Variants in POU6F2 observed in about 807,000 individuals in gnomAD.
The protein encoded by POU6F2 is POU class 6 homeobox 2, also known as POU domain, class 6, transcription factor 2.
A neutral mutation model predicts 71.3 loss-of-function variants in POU6F2; 31 were observed. The observed-to-expected ratio is 0.43, with a 90% CI of 0.33 to 0.59. POU6F2 has a LOEUF of 0.59. POU6F2 is among the 20% of genes least tolerant of loss of function. The probability of loss-of-function intolerance (pLI) is 0.04; values close to 1 mark genes in which losing one functional copy is unlikely to be tolerated. For synonymous variants in POU6F2, 347 were observed against 355.7 expected, an observed-to-expected ratio of 0.98 and a Z score of 0.27; for missense variants, 783 against 856.8, an observed-to-expected ratio of 0.91 and a Z score of 1.07.
At chr7:39,424,761 A>G (rs1400197394) in intron 6 of POU6F2, among the ~76,000 whole-genome samples, 1 of 152,116 alleles carries the variant, frequency 6.6e-6, no homozygotes, top group Non-Finnish European at 1.5e-5. Flanking sequence ...ACAGTAAAAT[A>G]TGTAACCCCA....
At chr7:39,110,793 T>C (rs1005585510) in intron 2 of POU6F2, among the ~76,000 whole-genome samples, 3 of 152,210 alleles carry the variant, frequency 2.0e-5, no homozygotes, top group African/African-American at 7.2e-5. Context: ...TATTTCACTT[T>C]TATCTTGTTG....
chr7:39,096,124 C>T (rs1425520549), intron 2 of POU6F2, among the ~76,000 whole-genome samples: 2 of 152,144 alleles, frequency 1.3e-5, no homozygotes, highest in African/African-American at 2.4e-5. Flanking sequence ...AGTATCTGCA[C>T]GGAGAGCTCA....
chr7:39,313,199 C>A (rs1020400364), intron 4 of POU6F2, among the ~76,000 whole-genome samples: 2 of 152,130 alleles, frequency 1.3e-5, no homozygotes, highest in Non-Finnish European at 2.9e-5. Flanking sequence ...CACTCTCCAG[C>A]CTCACTTCCC....
intron 6 of POU6F2, among the ~76,000 whole-genome samples, chr7:39,416,494 G>A (rs1001097577): frequency 3.3e-5 from 5 of 152,168 alleles, no homozygotes; most frequent in South Asian, 2.1e-4. Context: ...GCTGAAGATT[G>A]TTGTCCCACA....
At chr7:39,001,342 G>A (rs967206025) in intron 1 of POU6F2, among the ~76,000 whole-genome samples, 6 of 151,722 alleles carry the variant, frequency 4.0e-5, no homozygotes, top group East Asian at 3.9e-4. Context: ...GATTTTTATC[G>A]AGTACTTGTT....
intron 5 of POU6F2, among the ~76,000 whole-genome samples, chr7:39,391,039 G>A (rs1787066010): frequency 1.3e-5 from 2 of 152,144 alleles, no homozygotes; most frequent in African/African-American, 2.4e-5. Context: ...TAATTGTCAA[G>A]TATTCTACCA....
At chr7:39,331,490 G>GGTTTTGTTTT (rs553116050) in intron 4 of POU6F2, among the ~76,000 whole-genome samples, 94 of 151,960 alleles carry the variant, frequency 6.2e-4, no homozygotes, top group African/African-American at 2.2e-3. Flanking sequence ...ATCTCACTCC[G>GGTTTTGTTTT]GTTTTGTTTT....
chr7:39,018,108 C>A (rs7779583), intron 1 of POU6F2, among the ~76,000 whole-genome samples: 61,953 of 151,852 alleles, frequency 0.41, 12,998 homozygotes, highest in South Asian at 0.5. Flanking sequence ...TTTGTCTGAA[C>A]TCTTTTAGTT....
intron 1 of POU6F2, among the ~76,000 whole-genome samples, chr7:39,040,118 T>A (rs369339048): frequency 6.7e-5 from 6 of 89,010 alleles, no homozygotes; most frequent in Admixed American, 2.7e-4. Flanking sequence ...TTATATACAT[T>A]TATATATATA....
intron 5 of POU6F2, among the ~76,000 whole-genome samples, chr7:39,343,491 C>A (rs2329388): frequency 2.0e-5 from 3 of 151,620 alleles, no homozygotes; most frequent in Non-Finnish European, 4.4e-5. Flanking sequence ...ATAAAAGCCT[C>A]CTTTCTATGA....
intron 1 of POU6F2, among the ~76,000 whole-genome samples, chr7:39,059,478 T>G (rs575993108): frequency 6.7e-6 from 1 of 149,602 alleles, no homozygotes; most frequent in South Asian, 2.1e-4. Context: ...AGATACCACT[T>G]CATACCCACT....
At chr7:39,221,739 A>G (rs1794367042) in intron 4 of POU6F2, among the ~76,000 whole-genome samples, 1 of 152,152 alleles carries the variant, frequency 6.6e-6, no homozygotes, top group Non-Finnish European at 1.5e-5. Flanking sequence ...TGTGAAATAT[A>G]GAGAAATTAT....
rs528985319 is a variant in POU6F2, at chr7:39,426,394, T to A, written c.1114-6683T>A. 4.6e-4 allele frequency among the ~76,000 whole-genome samples: 70 copies of A among 152,260 alleles called. 1 individual carries two copies. Among genetic ancestry groups the A allele is most frequent in the African/African-American group, 1.7e-3 (69 of 41,560 alleles). On this transcript the variant is annotated intron_variant, in intron 6 of 9. Coordinates refer to ENST00000518318, the MANE Select transcript of POU6F2 (RefSeq NM_001370959.1). ...ATCTACTCTTCAAAGCCCTCTCTGG[T>A]GTTGTCCCAGTGGCCATTCCCCAAG...
At chr7:39,169,749 T>C (rs573130195) in intron 2 of POU6F2, among the ~76,000 whole-genome samples, 1 of 152,274 alleles carries the variant, frequency 6.6e-6, no homozygotes, top group Non-Finnish European at 1.5e-5. Flanking sequence ...GGTTGAATGA[T>C]TGGATAAATT....
At chr7:39,059,412 G>T (rs955579847) in intron 1 of POU6F2, among the ~76,000 whole-genome samples, 1 of 151,460 alleles carries the variant, frequency 6.6e-6, no homozygotes, top group Non-Finnish European at 1.5e-5. Flanking sequence ...TGAGTGACCG[G>T]ATCTCATTCA....
intron 5 of POU6F2, among the ~76,000 whole-genome samples, chr7:39,386,186 G>A (rs116927651): frequency 8.0e-5 from 12 of 150,696 alleles, no homozygotes; most frequent in South Asian, 4.2e-4. Flanking sequence ...AAGCTTCCCC[G>A]TGGGGCTGCC....
At chr7:39,118,611 C>A (rs913862040) in intron 2 of POU6F2, among the ~76,000 whole-genome samples, 1 of 151,808 alleles carries the variant, frequency 6.6e-6, no homozygotes, top group African/African-American at 2.4e-5. Flanking sequence ...AGAGATCAAA[C>A]AGGATAGAAA....
At chr7:39,376,752 A>T (rs1302419370) in intron 5 of POU6F2, among the ~76,000 whole-genome samples, 1 of 152,164 alleles carries the variant, frequency 6.6e-6, no homozygotes, top group Non-Finnish European at 1.5e-5. Context: ...CAGTTCCTAG[A>T]ATAGATGTCA....
rs1044063838 is a variant in POU6F2, at chr7:39,204,240, A to G, written c.283A>G (p.Arg95Gly). 14 of 1,613,472 alleles carry G rather than the reference A, an allele frequency of 8.7e-6. No homozygotes were observed. The highest frequency in any genetic ancestry group is 1.1e-5 in the Non-Finnish European group (13 of 1,179,638). The change falls in exon 3 of 10, where the codon AGA (arginine) becomes GGA (glycine). Residue 95 changes from arginine to glycine, a missense_variant. This residue lies in a region of POU6F2 where 572 missense variants were observed against 572.9 expected (regional missense o/e 1.00). Coordinates refer to ENST00000518318, the MANE Select transcript of POU6F2 (RefSeq NM_001370959.1). ...ATTTCTCTTTTGAATTCCAGGGGCT[A>G]GAGGAAACCCAGCATTATCAGACCC... ...EDTPSKLFGA[R>G]GNPALSDPGT...
Sources: gnomAD v4.1 joint callset for allele counts (sites outside exome capture counted in the v4.1 genomes callset) on GRCh38, gnomAD v4.1.1 for gene constraint, gnomAD v4.1.1 regional missense constraint, MANE v1.5 for transcripts, NCBI Gene and HGNC (gene_info 2026-07-23, HGNC 2026-07-21) for gene names.